Variants in ADAM9 observed in about 807,000 individuals in gnomAD.
ADAM9 encodes the protein disintegrin and metalloproteinase domain-containing protein 9.
Under a neutral mutation model 108.1 loss-of-function variants are expected in ADAM9, and 54 were observed. The ratio of observed to expected loss-of-function variants is 0.50; its 90% CI spans 0.40 to 0.63. The LOEUF (loss-of-function observed/expected upper bound fraction) is 0.63, where lower values mean the gene tolerates loss of function less well. Among genes scored for constraint, ADAM9 ranks in the 20% least tolerant of loss-of-function variants. The probability of loss-of-function intolerance (pLI) is 0.00; values close to 1 mark genes in which losing one functional copy is unlikely to be tolerated. For synonymous variants in ADAM9, 316 were observed against 336.0 expected (o/e 0.94, Z 0.65); for missense variants, 830 against 997.7 (o/e 0.83, Z 2.26).
At chr8:39,016,348 C>T (rs184442504) in intron 5 of ADAM9, among the ~76,000 whole-genome samples, 154 bp downstream of exon 5, 133 of 152,128 alleles carry the variant, frequency 8.7e-4, no homozygotes, top group African/African-American at 3.1e-3. Flanking sequence ...TTTCAGATAT[C>T]CTTGGCATGT....
At position 39,083,036 on chromosome 8, in the gene ADAM9, A is replaced by T. The variant is rs758433800; in HGVS notation, c.2031A>T (p.Gly677=). ...GWAPPNCETK[G]YGGSVDSGPT... ...CTCCCCCAAATTGTGAGACTAAAGG[A>T]TACGGAGGAAGTGTGGACAGTGGAC... The change falls in exon 18 of 22, where the codon GGA becomes GGT. Residue 677 remains glycine, a synonymous_variant. Transcript: ENST00000487273. The T allele has an allele frequency of 1.9e-6, 3 of 1,613,968 alleles. No homozygotes were observed. Among genetic ancestry groups the T allele is most frequent in the South Asian group, 1.1e-5 (1 of 91,080 alleles).
At chr8:39,045,254 G>GTGTATATATGTGTATACATACATA (rs1564299182) in intron 12 of ADAM9, among the ~76,000 whole-genome samples, 6 of 139,166 alleles carry the variant, frequency 4.3e-5, no homozygotes, top group Non-Finnish European at 6.3e-5. Flanking sequence ...ATACATATAT[G>GTGTATATATGTGTATACATACATA]TGTATATATG....
intron 9 of ADAM9, among the ~76,000 whole-genome samples, chr8:39,025,476 C>T (rs1836891107): frequency 6.6e-6 from 1 of 152,128 alleles, no homozygotes; most frequent in South Asian, 2.1e-4. Context: ...CGTTATCTGT[C>T]TCTCCTCACT....
At chr8:39,093,536 A>G (rs767039712) in intron 20 of ADAM9, among the ~76,000 whole-genome samples, 3 of 152,210 alleles carry the variant, frequency 2.0e-5, no homozygotes, top group Non-Finnish European at 4.4e-5. Context: ...TCTGCAAACA[A>G]GGACAGTTTT....
chr8:39,065,429 C>T (rs1176190478), intron 14 of ADAM9, among the ~76,000 whole-genome samples: 1 of 151,276 alleles, frequency 6.6e-6, no homozygotes, highest in Admixed American at 6.6e-5. Flanking sequence ...CTGAGGTGGG[C>T]GGATCACAAG....
rs1312942388 is a variant in ADAM9, at chr8:38,996,985, C to G, written c.-79C>G. The G allele has an allele frequency of 3.9e-6, 6 of 1,544,032 alleles. No homozygotes were observed. The highest frequency in any genetic ancestry group is 2.4e-5 in the East Asian group (1 of 41,814). On this transcript the variant is annotated 5_prime_UTR_variant, in exon 1 of 22. Transcript: ENST00000487273. Reference sequence around the variant, plus strand: ...GCGCTTCCCGGCCAGACTTGGGGCCCCGGCAGGGTTGGAAAATGATGGAAG... The same window carrying G: ...GCGCTTCCCGGCCAGACTTGGGGCCGCGGCAGGGTTGGAAAATGATGGAAG...
At chr8:39,060,157 A>C (rs1031177739) in intron 14 of ADAM9, among the ~76,000 whole-genome samples, 9 of 152,208 alleles carry the variant, frequency 5.9e-5, no homozygotes, top group African/African-American at 2.2e-4. Flanking sequence ...GTAGCAGGCC[A>C]ATAGTTTTTT....
chr8:39,094,071 C>G (rs891944994), intron 20 of ADAM9, among the ~76,000 whole-genome samples: 1 of 152,156 alleles, frequency 6.6e-6, no homozygotes, highest in African/African-American at 2.4e-5. Context: ...CATGCCTGGC[C>G]CAGTTTGTTC....
At chr8:39,020,487 A>C (rs765924784) in intron 7 of ADAM9, among the ~76,000 whole-genome samples, 14 of 152,184 alleles carry the variant, frequency 9.2e-5, no homozygotes, top group Non-Finnish European at 1.8e-4. Context: ...CAAAATCATA[A>C]ATCCTTTTAA....
chr8:39,012,396 C>A (rs181577014), intron 3 of ADAM9, among the ~76,000 whole-genome samples: 1 of 152,176 alleles, frequency 6.6e-6, no homozygotes, highest in Non-Finnish European at 1.5e-5. Context: ...GGCGATTCCT[C>A]AAGGATCTAG....
At chr8:39,079,532 TC>T (rs1838953991) in intron 16 of ADAM9, among the ~76,000 whole-genome samples, 2 of 152,166 alleles carry the variant, frequency 1.3e-5, no homozygotes, top group African/African-American at 4.8e-5. Context: ...TAACTGTCAG[TC>T]AGTTATATCT....
At position 39,009,711 on chromosome 8, in the gene ADAM9, A is replaced by G. The variant is rs576949042; in HGVS notation, c.195+1728A>G. Among the ~76,000 whole-genome samples the G allele has an allele frequency of 8.5e-4, 129 of 152,346 alleles. 1 individual carries two copies. Among genetic ancestry groups the G allele is most frequent in the African/African-American group, 3.0e-3 (125 of 41,582 alleles). On this transcript the variant is annotated intron_variant, in intron 2 of 21. Transcript: ENST00000487273. Reference sequence around the variant, plus strand: ...TGGAGAAGTGATATAGTCAGTGCATATTGAACTGGATTTTGCTCATTCAAC... The same window carrying G: ...TGGAGAAGTGATATAGTCAGTGCATGTTGAACTGGATTTTGCTCATTCAAC...
At chr8:39,084,958 C>G (rs1175005662) in intron 18 of ADAM9, among the ~76,000 whole-genome samples, 1 of 151,974 alleles carries the variant, frequency 6.6e-6, no homozygotes, top group Non-Finnish European at 1.5e-5. Context: ...TTCTTTTTCC[C>G]TAGTAATATT....
At chr8:39,083,656 C>G (rs1839092229) in intron 18 of ADAM9, among the ~76,000 whole-genome samples, 1 of 152,188 alleles carries the variant, frequency 6.6e-6, no homozygotes, top group Non-Finnish European at 1.5e-5. Flanking sequence ...AAAGTTTCCC[C>G]TGGCTGCTTA....
intron 20 of ADAM9, among the ~76,000 whole-genome samples, chr8:39,097,730 C>T (rs189697064): frequency 6.6e-6 from 1 of 152,312 alleles, no homozygotes; most frequent in Non-Finnish European, 1.5e-5. Flanking sequence ...AGAGGATGGA[C>T]TGTGAGCCAA....
chr8:39,066,369 C>T (rs1838473321), intron 14 of ADAM9, among the ~76,000 whole-genome samples: 1 of 152,232 alleles, frequency 6.6e-6, no homozygotes, highest in Non-Finnish European at 1.5e-5. Context: ...GTCCAACCAA[C>T]AGTGTAAAAG....
chr8:39,094,695 T>G (rs1839447318), intron 20 of ADAM9, among the ~76,000 whole-genome samples: 1 of 152,114 alleles, frequency 6.6e-6, no homozygotes, highest in African/African-American at 2.4e-5. Flanking sequence ...TAGGTTCAAT[T>G]TGTTGGTGTA....
At chr8:39,084,465 A>T (rs970459300) in intron 18 of ADAM9, among the ~76,000 whole-genome samples, 3 of 150,514 alleles carry the variant, frequency 2.0e-5, no homozygotes, top group Non-Finnish European at 3.0e-5. Context: ...TCTTTGACTT[A>T]CAGGTTATTT....
At chr8:39,096,355 T>A (rs1199603029) in intron 20 of ADAM9, among the ~76,000 whole-genome samples, 13 of 152,100 alleles carry the variant, frequency 8.5e-5, no homozygotes, top group East Asian at 3.8e-4. Context: ...TTGTGATATC[T>A]TTGCAATTAC....
Sources: allele counts gnomAD v4.1 joint callset (sites outside exome capture counted in the v4.1 genomes callset), GRCh38; gene constraint gnomAD v4.1.1; transcripts MANE v1.5; gene names NCBI Gene and HGNC (gene_info 2026-07-23, HGNC 2026-07-21).